The following MAP2K6 variants were observed in gnomAD, a reference collection of about 807,000 sequenced individuals.
MAP2K6 encodes dual specificity mitogen-activated protein kinase kinase 6.
A neutral mutation model predicts 53.7 loss-of-function variants in MAP2K6; 16 were observed. The observed-to-expected ratio is 0.30, with a 90% CI of 0.20 to 0.45. The LOEUF is 0.45. MAP2K6 is among the 20% of genes least tolerant of loss of function. MAP2K6 has a pLI of 1.00. For synonymous variants in MAP2K6, 132 were observed against 143.1 expected, an observed-to-expected ratio of 0.92 and a Z score of 0.55; for missense variants, 204 against 411.9, an observed-to-expected ratio of 0.50 and a Z score of 4.37.
intron 1 of MAP2K6, among the ~76,000 whole-genome samples, chr17:69,462,690 C>G (rs1907660335): frequency 6.6e-6 from 1 of 152,198 alleles, no homozygotes; most frequent in Non-Finnish European, 1.5e-5. Context: ...CTCCGGGCGT[C>G]AGCTAGATGT....
chr17:69,460,715 C>T (rs1172058161), intron 1 of MAP2K6, among the ~76,000 whole-genome samples: 1 of 152,158 alleles, frequency 6.6e-6, no homozygotes, highest in Non-Finnish European at 1.5e-5. Context: ...ATCCTCCCAC[C>T]TCAGCCTCCC....
chr17:69,432,810 TAA>T lies in MAP2K6; in HGVS notation c.16+17826_16+17827del, dbSNP rs59109680. On this transcript the variant is annotated intron_variant, in intron 1 of 11. Coordinates refer to ENST00000590474, the MANE Select transcript of MAP2K6 (RefSeq NM_002758.4). ...GCACATGTATCCTGGAACCTAAAAT[TAA>T]AAAAAAAAAAAAAAAGGATCTTGGT... Among the ~76,000 whole-genome samples the T allele has an allele frequency of 9.6e-3, 1,335 of 139,692 alleles. 13 individuals are homozygous for T. The highest frequency in any genetic ancestry group is 0.024 in the African/African-American group (935 of 38,192). The allele number at this position is 139,692 out of a possible 152,430, so 91.6% of individuals were successfully genotyped here. A position where few individuals can be genotyped will look rare whatever the true frequency, so the allele number is the denominator to read the frequency against.
chr17:69,475,210 C>G (rs981903530), intron 1 of MAP2K6, among the ~76,000 whole-genome samples: 3 of 147,288 alleles, frequency 2.0e-5, no homozygotes, highest in African/African-American at 5.1e-5. Context: ...ACTGTGTCTC[C>G]CAGGTTGGAG....
At chr17:69,421,388 T>C (rs2145126551) in intron 1 of MAP2K6, among the ~76,000 whole-genome samples, 1 of 152,294 alleles carries the variant, frequency 6.6e-6, no homozygotes, top group East Asian at 1.9e-4. Flanking sequence ...CTAACTTTCT[T>C]TTTAAAAAAT....
At chr17:69,416,649 G>C (rs1448795955) in intron 1 of MAP2K6, among the ~76,000 whole-genome samples, 2 of 149,842 alleles carry the variant, frequency 1.3e-5, no homozygotes, top group African/African-American at 2.5e-5. Flanking sequence ...ATGATTTAGG[G>C]ACACACAAAA....
At chr17:69,455,032 ATTATTT>A (rs1567823743) in intron 1 of MAP2K6, among the ~76,000 whole-genome samples, 1 of 52,208 alleles carries the variant, frequency 1.9e-5, no homozygotes, top group Non-Finnish European at 4.4e-5. Context: ...TCTTACTATT[ATTATTT>A]TTTTTTTTTT....
intron 8 of MAP2K6, among the ~76,000 whole-genome samples, chr17:69,524,344 A>G (rs1019666212): frequency 1.3e-5 from 2 of 151,770 alleles, no homozygotes; most frequent in African/African-American, 2.4e-5. Context: ...TTACCCAAAC[A>G]AGGCAGTTAG....
intron 1 of MAP2K6, among the ~76,000 whole-genome samples, chr17:69,422,124 ATTTTT>A (rs35694490): frequency 3.4e-5 from 3 of 87,366 alleles, no homozygotes; most frequent in East Asian, 3.3e-4. Flanking sequence ...AATCATCGTA[ATTTTT>A]TTTTTTTTTT....
chr17:69,435,056 A>G (rs1906592427), intron 1 of MAP2K6: 1 of 152,224 alleles, frequency 6.6e-6, no homozygotes, highest in Admixed American at 6.5e-5. Flanking sequence ...GCTCAAGGAT[A>G]TCATCCATGC....
intron 1 of MAP2K6, among the ~76,000 whole-genome samples, chr17:69,441,935 G>A (rs1315626100): frequency 6.6e-6 from 1 of 152,090 alleles, no homozygotes; most frequent in African/African-American, 2.4e-5. Flanking sequence ...CTGGCTGGGA[G>A]GGAGAAAGGC....
chr17:69,455,354 A>C (rs1567823888), intron 1 of MAP2K6, among the ~76,000 whole-genome samples: 1 of 152,190 alleles, frequency 6.6e-6, no homozygotes, highest in Non-Finnish European at 1.5e-5. Flanking sequence ...GTATCCCTGC[A>C]ATTCCTGATT....
chr17:69,501,185 C>T (rs1175008424), intron 1 of MAP2K6, among the ~76,000 whole-genome samples: 2 of 152,132 alleles, frequency 1.3e-5, no homozygotes, highest in Non-Finnish European at 2.9e-5. Flanking sequence ...CACTGCCATC[C>T]TTTTGTGAAG....
intron 2 of MAP2K6, among the ~76,000 whole-genome samples, chr17:69,512,339 G>GTTTT (rs746993199): frequency 7.3e-5 from 6 of 82,110 alleles, no homozygotes; most frequent in African/African-American, 1.0e-4. Context: ...TTTTTTTTTT[G>GTTTT]TTTTTTTTTT....
intron 1 of MAP2K6, among the ~76,000 whole-genome samples, chr17:69,466,732 A>G (rs1213355709): frequency 6.6e-6 from 1 of 152,224 alleles, no homozygotes; most frequent in Non-Finnish European, 1.5e-5. Flanking sequence ...TAATTGTATG[A>G]CTTGGAGCAG....
intron 8 of MAP2K6, among the ~76,000 whole-genome samples, chr17:69,523,964 A>T (rs891565770): frequency 6.6e-6 from 1 of 152,158 alleles, no homozygotes; most frequent in Non-Finnish European, 1.5e-5. Context: ...ATGAGGGCTC[A>T]CGTTTCTCAG....
chr17:69,523,376 A>T, intron 7 of MAP2K6, 138 bp from the exon 8 acceptor site: 1 of 962,292 alleles, frequency 1.0e-6, no homozygotes, highest in Non-Finnish European at 1.6e-6. Flanking sequence ...TGGGTCAGGG[A>T]TGGCAGTTAC....
At chr17:69,513,455 C>T (rs1183170184) in intron 2 of MAP2K6, among the ~76,000 whole-genome samples, 2 of 152,170 alleles carry the variant, frequency 1.3e-5, no homozygotes, top group Non-Finnish European at 2.9e-5. Context: ...CAGAAAATCA[C>T]CCAGCTTTTC....
chr17:69,519,478 A>G, intron 5 of MAP2K6, 46 bp downstream of exon 5: 1 of 1,608,210 alleles, frequency 6.2e-7, no homozygotes, highest in South Asian at 1.1e-5. Context: ...AATAACTTAA[A>G]AAGAAGTTTC....
intron 1 of MAP2K6, among the ~76,000 whole-genome samples, chr17:69,461,409 C>T (rs1907618970): frequency 1.3e-5 from 2 of 152,222 alleles, no homozygotes; most frequent in Admixed American, 1.3e-4. Context: ...TCATCCTTTT[C>T]TCCTTCAGCG....
Sources: allele counts gnomAD v4.1 joint callset (sites outside exome capture counted in the v4.1 genomes callset), GRCh38; gene constraint gnomAD v4.1.1; transcripts MANE v1.5; gene names NCBI Gene and HGNC (gene_info 2026-07-23, HGNC 2026-07-21).